Variants in SPAG17 observed in about 807,000 individuals in gnomAD.
The protein encoded by SPAG17 is sperm-associated antigen 17.
SPAG17 carries 169 observed loss-of-function variants against 273.6 expected under a neutral mutation model. The ratio of observed to expected loss-of-function variants is 0.62; its 90% CI spans 0.55 to 0.70. The LOEUF (loss-of-function observed/expected upper bound fraction) is 0.70. SPAG17 is among the 30% of genes least tolerant of loss of function. The pLI is 0.00. For missense variants in SPAG17, 2,557 were observed against 2,627.8 expected (o/e 0.97, Z 0.59); for synonymous variants, 825 against 873.2 (o/e 0.94, Z 0.97).
At chr1:118,029,488 T>C (rs1648174641) in intron 25 of SPAG17, among the ~76,000 whole-genome samples, 1 of 152,210 alleles carries the variant, frequency 6.6e-6, no homozygotes. Context: ...ATTATGTTAT[T>C]AGGATATCTG....
At chr1:118,053,967 TG>T in intron 20 of SPAG17, 34 bp downstream of exon 20, 1 of 1,487,880 alleles carries the variant, frequency 6.7e-7, no homozygotes. Context: ...ACTTTAGTTT[TG>T]CCTGTTTTTT....
At chr1:118,180,318 G>T (rs764970985) in intron 1 of SPAG17, among the ~76,000 whole-genome samples, 1 of 151,988 alleles carries the variant, frequency 6.6e-6, no homozygotes, top group East Asian at 1.9e-4. Context: ...TGGAACTGGC[G>T]TTCATTATGT....
chr1:117,957,115 A>T, intron 48 of SPAG17: 2 of 1,611,084 alleles, frequency 1.2e-6, no homozygotes, highest in South Asian at 2.2e-5. Context: ...TATGTCCCAG[A>T]CATTCTTAAA....
intron 32 of SPAG17, among the ~76,000 whole-genome samples, chr1:118,004,810 G>A (rs114795538): frequency 0.044 from 6,761 of 152,250 alleles, 241 homozygotes; most frequent in Non-Finnish European, 0.076. Context: ...CTTGCCCTCC[G>A]TGGGCTGCAC....
At chr1:118,023,833 A>C (rs577112952) in intron 27 of SPAG17, among the ~76,000 whole-genome samples, 200 of 152,018 alleles carry the variant, frequency 1.3e-3, no homozygotes, top group Non-Finnish European at 2.4e-3. Context: ...CTGTATTTAA[A>C]ATTTTATCAC....
At chr1:117,967,172 A>G (rs1000425329) in intron 46 of SPAG17, among the ~76,000 whole-genome samples, 1 of 151,974 alleles carries the variant, frequency 6.6e-6, no homozygotes, top group South Asian at 2.1e-4. Context: ...AATATAAATC[A>G]GGAGGCTGAG....
At chr1:118,167,947 C>T (rs935999632) in intron 1 of SPAG17, among the ~76,000 whole-genome samples, 1 of 152,160 alleles carries the variant, frequency 6.6e-6, no homozygotes, top group Non-Finnish European at 1.5e-5. Context: ...TCCGCTCACT[C>T]TCTTGTCCCT....
At chr1:117,999,973 T>G (rs1478880401) in intron 32 of SPAG17, among the ~76,000 whole-genome samples, 1 of 152,248 alleles carries the variant, frequency 6.6e-6, no homozygotes, top group Non-Finnish European at 1.5e-5. Context: ...CATGTAAGTC[T>G]TTAATCCATC....
Position 118,081,605 on chromosome 1 carries a change from C to G in SPAG17, c.1800G>C (p.Lys600Asn). ...GCTTCAGGCTCTCAAAAGTAAACACCTTGAAGGCTCGTTCTACTTCATTCC... is the reference window on the plus strand; with the variant it reads ...GCTTCAGGCTCTCAAAAGTAAACACGTTGAAGGCTCGTTCTACTTCATTCC... ...LSWNEVERAF[K>N]VFTFESLKLS... is the part of the protein sequence containing the mutation. The change falls in exon 14 of 49, where the codon AAG (lysine) becomes AAC (asparagine). Residue 600 changes from lysine to asparagine, a missense_variant. Coordinates refer to ENST00000336338, the MANE Select transcript of SPAG17 (RefSeq NM_206996.4). 1 of 1,613,950 alleles carries G rather than the reference C, an allele frequency of 6.2e-7. No individual in the cohort carries two copies. The highest frequency in any genetic ancestry group is 1.1e-5 in the South Asian group (1 of 91,074).
At chr1:118,131,597 T>G (rs1344008385) in intron 3 of SPAG17, among the ~76,000 whole-genome samples, 1 of 152,234 alleles carries the variant, frequency 6.6e-6, no homozygotes, top group Non-Finnish European at 1.5e-5. Flanking sequence ...GCCTGGAGCA[T>G]AGTAGATGAT....
chr1:118,069,411 CCTTAAACA>C (rs1653344436), intron 17 of SPAG17, among the ~76,000 whole-genome samples: 2 of 149,234 alleles, frequency 1.3e-5, no homozygotes, highest in Non-Finnish European at 3.0e-5. Flanking sequence ...GAGGTATACC[CCTTAAACA>C]CTGATGATGG....
chr1:117,994,281 C>A, intron 35 of SPAG17, 125 bp downstream of exon 35: 1 of 1,020,600 alleles, frequency 9.8e-7, no homozygotes, highest in Non-Finnish European at 1.4e-6. Flanking sequence ...ACTCCTTGAG[C>A]ACATTAAAAA....
At chr1:118,068,178 T>A (rs1349897683) in intron 17 of SPAG17, among the ~76,000 whole-genome samples, 1 of 150,962 alleles carries the variant, frequency 6.6e-6, no homozygotes, top group African/African-American at 2.4e-5. Flanking sequence ...CATAATAATG[T>A]TAGAAAAGGG....
intron 1 of SPAG17, among the ~76,000 whole-genome samples, chr1:118,167,584 A>G (rs928298419): frequency 2.6e-5 from 4 of 152,220 alleles, no homozygotes; most frequent in African/African-American, 9.6e-5. Flanking sequence ...CACACAAAAA[A>G]TTGAATTGCA....
rs1347387529 is a variant in SPAG17 at position 117,992,447 on chromosome 1, G to A, written c.5361+19C>T. 3 of 1,573,882 alleles carry A rather than the reference G, an allele frequency of 1.9e-6. No individual in the cohort carries two copies. Among genetic ancestry groups the A allele is most frequent in the African/African-American group, 2.8e-5 (2 of 72,606 alleles). On this transcript the variant is annotated intron_variant, in intron 36 of 48. Coordinates refer to ENST00000336338, the MANE Select transcript of SPAG17 (RefSeq NM_206996.4). ...TCTGTTTCTGATTCTTTTGGGTCAG[G>A]TCACCTAGATTCCATTACCTTAAGG...
intron 1 of SPAG17, among the ~76,000 whole-genome samples, chr1:118,182,147 G>A (rs1660980060): frequency 6.6e-6 from 1 of 152,100 alleles, no homozygotes; most frequent in Non-Finnish European, 1.5e-5. Flanking sequence ...GTTACAATAT[G>A]AATGAACCTT....
intron 36 of SPAG17, 116 bp from the exon 37 acceptor site, chr1:117,991,644 G>A (rs905447019): frequency 3.5e-6 from 2 of 570,350 alleles, no homozygotes; most frequent in African/African-American, 1.9e-5. Flanking sequence ...GGTTTACAGT[G>A]CTCAACAACT....
intron 3 of SPAG17, among the ~76,000 whole-genome samples, chr1:118,135,207 C>T (rs1570754498): frequency 6.6e-6 from 1 of 152,188 alleles, no homozygotes; most frequent in Non-Finnish European, 1.5e-5. Flanking sequence ...GCCCTCCTCT[C>T]ACCAAACCAG....
chr1:118,147,722 T>G (rs1412403399), intron 3 of SPAG17, among the ~76,000 whole-genome samples: 2 of 152,256 alleles, frequency 1.3e-5, no homozygotes, highest in African/African-American at 4.8e-5. Flanking sequence ...ATAATGAGGC[T>G]GTGTGTACAC....
Sources: allele counts gnomAD v4.1 joint callset (sites outside exome capture counted in the v4.1 genomes callset), GRCh38; gene constraint gnomAD v4.1.1; transcripts MANE v1.5; gene names NCBI Gene and HGNC (gene_info 2026-07-23, HGNC 2026-07-21).